The following LBHD1 variants were observed in gnomAD, a reference collection of about 807,000 sequenced individuals.
LBHD1 encodes the protein LBH domain containing 1.
In LBHD1, 28 loss-of-function variants were observed where a neutral mutation model predicts 31.1. The ratio of observed to expected loss-of-function variants is 0.90; its 90% CI spans 0.67 to 1.24. LBHD1 has a LOEUF of 1.24. LBHD1 is among the 50% of genes most tolerant of loss of function. The pLI, the probability that LBHD1 is intolerant of heterozygous loss-of-function variation, is 0.00. For missense variants in LBHD1, 350 were observed against 323.0 expected (o/e 1.08, Z -0.64); for synonymous variants, 105 against 116.5 (o/e 0.90, Z 0.63).
At chr11:62,667,848 T>C (rs2134638856) in intron 3 of LBHD1, 101 bp from the exon 4 acceptor site, 1 of 837,880 alleles carries the variant, frequency 1.2e-6, no homozygotes, top group East Asian at 2.5e-5. Flanking sequence ...CACAGCACTT[T>C]GGGAGGCCAA....
Position 62,667,743 on chromosome 11 carries a change from C to G in LBHD1, c.318G>C (p.Trp106Cys). 6.2e-7 allele frequency: 1 copy of G among 1,603,662 alleles called. No individual in the cohort carries two copies. The highest frequency in any genetic ancestry group is 1.1e-5 in the South Asian group (1 of 90,894). ...TTCTAGGGTCCTGTGGGCTCCAAGC[C>G]CAGCCTGGGATGGAGGAAGAGAGGG... ...FFQDQSEEPG[W>C]AWSPQDPRSP... is the part of the protein sequence containing the mutation. The change falls in exon 4 of 7, where the codon TGG becomes TGC. Residue 106 changes from tryptophan (W) to cysteine (C), a missense_variant. By Grantham distance (215) the Trp-to-Cys change is radical (BLOSUM62 -2). Coordinates refer to ENST00000354588, the MANE Select transcript of LBHD1 (RefSeq NM_024099.5).
rs532210463 is a variant in LBHD1 at position 62,671,549 on chromosome 11, C to T, written c.-11+15G>A. 48 of 1,425,626 alleles carry T rather than the reference C, an allele frequency of 3.4e-5. No individual in the cohort carries two copies. The African/African-American group carries it at 6.2e-4, about 18-fold the overall frequency. The allele number at this position is 1,425,626 out of a possible 1,614,324, so 88.3% of individuals were successfully genotyped here. ...TGCCAGCACTTCTTGGACACCTCAA[C>T]CCCCTCAGCTAAACCTGAGATCCAA... On this transcript the variant is annotated intron_variant, in intron 1 of 6. Transcript: ENST00000354588.
At chr11:62,667,942 C>T (rs2134639277) in intron 3 of LBHD1, 195 bp from the exon 4 acceptor site, 2 of 543,568 alleles carry the variant, frequency 3.7e-6, no homozygotes, top group South Asian at 2.4e-5. Flanking sequence ...GTGGCACAGG[C>T]ATGTAGTTCC....
At chr11:62,665,874 C>A (rs1565126639) in intron 4 of LBHD1, 2 of 1,613,076 alleles carry the variant, frequency 1.2e-6, no homozygotes, top group South Asian at 1.1e-5. Flanking sequence ...TTACCCGAAT[C>A]TCCAGATGGC....
chr11:62,666,136 C>G (rs886556072), intron 4 of LBHD1: 1 of 784,942 alleles, frequency 1.3e-6, no homozygotes, highest in East Asian at 2.7e-5. Flanking sequence ...TCGCTTGGCC[C>G]AGGAGTTCGA....
chr11:62,669,424 G>T (rs1944899119), intron 3 of LBHD1: 6 of 984,570 alleles, frequency 6.1e-6, no homozygotes, highest in Non-Finnish European at 7.2e-6. Flanking sequence ...GAAAAAGAAA[G>T]TACAGATTAA....
chr11:62,667,794 C>A, intron 3 of LBHD1, 47 bp from the exon 4 acceptor site: 1 of 1,341,568 alleles, frequency 7.5e-7, no homozygotes, highest in South Asian at 1.3e-5. Flanking sequence ...GATATATTAT[C>A]AAATTACAAA....
intron 5 of LBHD1, among the ~76,000 whole-genome samples, chr11:62,663,825 C>CA (rs1400247733): frequency 6.6e-6 from 1 of 151,370 alleles, no homozygotes; most frequent in Non-Finnish European, 1.5e-5. Context: ...GTAATCCCAA[C>CA]ACTTTGGGAG....
chr11:62,664,874 T>C lies in LBHD1; in HGVS notation c.638A>G (p.His213Arg). Reference sequence around the variant, plus strand: ...GCCCGCTTCTTGAGGTGGTGCCGCGTGATCAGCCCTTGGTCTATCACAGCC... The same window carrying C: ...GCCCGCTTCTTGAGGTGGTGCCGCGCGATCAGCCCTTGGTCTATCACAGCC... ...GRGCDRPRAD[H>R]AAPPQEAGVQ... is the part of the protein sequence containing the mutation. The change falls in exon 5 of 7, where the codon CAC becomes CGC. Residue 213 changes from histidine to arginine, a missense_variant. Coordinates refer to ENST00000354588, the MANE Select transcript of LBHD1 (RefSeq NM_024099.5). 2 of 1,580,284 alleles carry C rather than the reference T, an allele frequency of 1.3e-6. No individual in the cohort carries two copies. Among genetic ancestry groups the C allele is most frequent in the Admixed American group, 1.8e-5 (1 of 54,460 alleles).
At chr11:62,664,683 G>A (rs1944746138) in intron 5 of LBHD1, among the ~76,000 whole-genome samples, 166 bp downstream of exon 5, 1 of 152,124 alleles carries the variant, frequency 6.6e-6, no homozygotes. Context: ...GTCTGCTACA[G>A]GTATTGTGAG....
intron 4 of LBHD1, chr11:62,666,167 G>T (rs1328909009): frequency 1.4e-6 from 1 of 699,408 alleles, no homozygotes; most frequent in African/African-American, 1.8e-5. Context: ...GGGCAACATA[G>T]CGAGACCCTG....
chr11:62,663,642 C>T (rs1330198894), intron 5 of LBHD1, among the ~76,000 whole-genome samples: 5 of 147,162 alleles, frequency 3.4e-5, no homozygotes, highest in East Asian at 2.0e-4. Flanking sequence ...TGCAGTGAGC[C>T]GAGATCGCGC....
rs777018783 is a variant in LBHD1 at position 62,670,070 on chromosome 11, G to A, written c.-10-29C>T. On this transcript the variant is annotated intron_variant, in intron 1 of 6. Coordinates refer to ENST00000354588, the MANE Select transcript of LBHD1 (RefSeq NM_024099.5). ...AGAGTGCAAGATGATTGAACTCAGAGGAGAGTACTGCTGCCCAGTGCACCC... is the reference window on the plus strand; with the variant it reads ...AGAGTGCAAGATGATTGAACTCAGAAGAGAGTACTGCTGCCCAGTGCACCC... 6.7e-5 allele frequency: 106 copies of A among 1,575,400 alleles called. No individual in the cohort carries two copies. The East Asian group carries it at 2.3e-3, about 34-fold the overall frequency.
intron 1 of LBHD1, 190 bp downstream of exon 1, chr11:62,671,374 G>GCACA: frequency 1.6e-6 from 2 of 1,285,926 alleles, no homozygotes; most frequent in Non-Finnish European, 2.0e-6. Flanking sequence ...AAACCACAGA[G>GCACA]CACAGCTCGG....
chr11:62,671,159 C>G (rs923314635), intron 1 of LBHD1: 6 of 364,988 alleles, frequency 1.6e-5, no homozygotes, highest in Non-Finnish European at 2.7e-5. Context: ...AAAAAAAACC[C>G]AAACAATACC....
intron 4 of LBHD1, 62 bp from the exon 5 acceptor site, chr11:62,665,035 C>A: frequency 6.3e-7 from 1 of 1,596,600 alleles, no homozygotes; most frequent in Non-Finnish European, 8.5e-7. Context: ...GGCCCCTCCA[C>A]CAGGCAGCCC....
chr11:62,667,000 C>A (rs1944836731), intron 4 of LBHD1: 1 of 1,613,296 alleles, frequency 6.2e-7, no homozygotes, highest in African/African-American at 1.3e-5. Context: ...AGGAGCTAGG[C>A]CCGTTCAGGG....
At chr11:62,665,017 C>T (rs1944756235) in intron 4 of LBHD1, 44 bp from the exon 5 acceptor site, 1 of 1,601,496 alleles carries the variant, frequency 6.2e-7, no homozygotes, top group East Asian at 2.2e-5. Flanking sequence ...GGGCTCGCCG[C>T]GACCCGGGGC....
chr11:62,666,681 G>A lies in LBHD1; in HGVS notation c.538+842C>T, dbSNP rs370558447. ...CCTGTGGCTGTGGCCCACATGAATA[G>A]CCTCCTGGAGGGTGGCCCAGGCCAA... On this transcript the variant is annotated intron_variant, in intron 4 of 6. Coordinates refer to ENST00000354588, the MANE Select transcript of LBHD1 (RefSeq NM_024099.5). 15 of 1,613,938 alleles carry A rather than the reference G, an allele frequency of 9.3e-6. No individual in the cohort carries two copies. In the Admixed American group the frequency reaches 2.0e-4, roughly 22 times the overall value.
Sources: gnomAD v4.1 joint callset for allele counts (sites outside exome capture counted in the v4.1 genomes callset) on GRCh38, gnomAD v4.1.1 for gene constraint, MANE v1.5 for transcripts, NCBI Gene and HGNC (gene_info 2026-07-23, HGNC 2026-07-21) for gene names.